The following CMSS1 variants were observed in gnomAD, a reference collection of about 807,000 sequenced individuals.
The protein encoded by CMSS1 is cms1 ribosomal small subunit homolog.
A neutral mutation model predicts 43.5 loss-of-function variants in CMSS1; 33 were observed. The ratio of observed to expected loss-of-function variants is 0.76; its 90% confidence interval spans 0.57 to 1.01. CMSS1 has a LOEUF of 1.01. CMSS1 is among the 50% of genes least tolerant of loss of function. The probability of loss-of-function intolerance (pLI) is 0.00; values close to 1 mark genes in which losing one functional copy is unlikely to be tolerated. For missense variants in CMSS1, 313 were observed against 326.4 expected (o/e 0.96, Z 0.32); for synonymous variants, 115 against 117.2 (o/e 0.98, Z 0.12).
chr3:100,149,609 G>A (rs998739019), intron 2 of CMSS1, among the ~76,000 whole-genome samples: 1 of 152,132 alleles, frequency 6.6e-6, no homozygotes, highest in African/African-American at 2.4e-5. Flanking sequence ...CCTGGCCAGA[G>A]AAATATCATT....
intron 1 of CMSS1, among the ~76,000 whole-genome samples, chr3:100,074,226 C>G (rs761147737): frequency 4.6e-5 from 7 of 152,238 alleles, no homozygotes; most frequent in Non-Finnish European, 8.8e-5. Flanking sequence ...GACAGCCCCC[C>G]TGGGCCTCCA....
chr3:100,063,641 T>C (rs555195329), intron 1 of CMSS1, among the ~76,000 whole-genome samples: 2 of 152,372 alleles, frequency 1.3e-5, no homozygotes, highest in South Asian at 2.1e-4. Flanking sequence ...ATTATTTTAA[T>C]CTGGGGACTT....
intron 1 of CMSS1, among the ~76,000 whole-genome samples, chr3:100,079,124 C>T (rs1259655285): frequency 6.6e-6 from 1 of 152,168 alleles, no homozygotes; most frequent in East Asian, 1.9e-4. Context: ...CCAGGCCTCT[C>T]TCCCCAGTCC....
chr3:99,849,567 T>G, intron 1 of CMSS1: 1 of 1,613,526 alleles, frequency 6.2e-7, no homozygotes, highest in Non-Finnish European at 8.5e-7. Context: ...CTTGAAGCCT[T>G]TTGAAAAGCC....
At chr3:100,039,546 G>T (rs916466771) in intron 1 of CMSS1, among the ~76,000 whole-genome samples, 2 of 152,084 alleles carry the variant, frequency 1.3e-5, no homozygotes, top group Non-Finnish European at 2.9e-5. Context: ...GGGATACCAG[G>T]AGTACCTTGG....
At chr3:100,143,181 T>G (rs1206613638) in intron 1 of CMSS1, among the ~76,000 whole-genome samples, 1 of 152,198 alleles carries the variant, frequency 6.6e-6, no homozygotes, top group African/African-American at 2.4e-5. Flanking sequence ...TTAGATTTCT[T>G]GGGATTTTTT....
At chr3:100,156,299 CTTTTTTT>C (rs34413816) in intron 2 of CMSS1, among the ~76,000 whole-genome samples, 26 of 73,050 alleles carry the variant, frequency 3.6e-4, no homozygotes, top group Middle Eastern at 9.1e-3. Flanking sequence ...AATTTTTTTT[CTTTTTTT>C]TTTTTTTTTT....
intron 1 of CMSS1, chr3:99,850,917 G>C (rs1000536415): frequency 1.2e-6 from 2 of 1,614,170 alleles, no homozygotes; most frequent in Admixed American, 3.3e-5. Flanking sequence ...TTTGAAGGGT[G>C]AGCTGTGCCG....
intron 1 of CMSS1, among the ~76,000 whole-genome samples, chr3:99,867,424 G>A (rs1019415988): frequency 2.0e-5 from 3 of 152,138 alleles, no homozygotes; most frequent in African/African-American, 7.2e-5. Flanking sequence ...TGAAAAAAAG[G>A]TTTTTGAAAA....
At chr3:100,018,608 A>G (rs1222322848) in intron 1 of CMSS1, among the ~76,000 whole-genome samples, 3 of 152,148 alleles carry the variant, frequency 2.0e-5, no homozygotes, top group Admixed American at 6.5e-5. Context: ...TTGCTAGTAG[A>G]AAACAAAAAA....
intron 9 of CMSS1, among the ~76,000 whole-genome samples, chr3:100,177,371 A>G (rs1288686469): frequency 6.6e-6 from 1 of 152,254 alleles, no homozygotes; most frequent in East Asian, 1.9e-4. Flanking sequence ...GATATCAGGC[A>G]TGAGGCCATA....
At chr3:99,987,200 G>GC (rs975875326) in intron 1 of CMSS1, among the ~76,000 whole-genome samples, 4 of 150,246 alleles carry the variant, frequency 2.7e-5, no homozygotes, top group Non-Finnish European at 5.9e-5. Flanking sequence ...ATGCACTCCA[G>GC]CCTGGGGGAC....
intron 1 of CMSS1, chr3:99,848,164 C>A: frequency 6.5e-7 from 1 of 1,531,424 alleles, no homozygotes; most frequent in Non-Finnish European, 8.8e-7. Flanking sequence ...CATGCACAAA[C>A]CTTCCCAAAG....
intron 1 of CMSS1, among the ~76,000 whole-genome samples, chr3:100,078,142 A>G (rs1017711533): frequency 6.6e-6 from 1 of 152,200 alleles, no homozygotes; most frequent in Non-Finnish European, 1.5e-5. Context: ...TTAGTATACA[A>G]ACATCATATT....
chr3:100,041,055 A>G lies in CMSS1; in HGVS notation c.65-105918A>G, dbSNP rs760700325. ...TACAGTTAACCAAAGTTGACTCTGT[A>G]TGACCTGTTACATTTTCCTTAGACA... is the stretch of plus-strand genomic sequence containing the variant. On this transcript the variant is annotated intron_variant, in intron 1 of 9. Coordinates refer to ENST00000421999, the MANE Select transcript of CMSS1 (RefSeq NM_032359.4). The G allele has an allele frequency of 5.9e-5, 9 of 152,244 alleles. No homozygotes were observed. In the East Asian group the frequency reaches 9.6e-4, roughly 16 times the overall value. The allele number at this position is 152,244 out of a possible 1,614,324, so 9.4% of individuals were successfully genotyped here. A position where few individuals can be genotyped will look rare whatever the true frequency, so the allele number is the denominator to read the frequency against.
chr3:99,972,931 A>G (rs1051064659), intron 1 of CMSS1, among the ~76,000 whole-genome samples: 4 of 152,246 alleles, frequency 2.6e-5, no homozygotes, highest in African/African-American at 9.6e-5. Context: ...AAGTAAACAC[A>G]TCAGCAAAGA....
intron 1 of CMSS1, among the ~76,000 whole-genome samples, chr3:100,139,685 T>G (rs940158901): frequency 1.7e-4 from 26 of 150,414 alleles, no homozygotes; most frequent in African/African-American, 5.1e-4. Flanking sequence ...TAATCCCAGC[T>G]ACCCAGGAGG....
chr3:99,829,349 T>C (rs1169498905), intron 1 of CMSS1, among the ~76,000 whole-genome samples: 2 of 152,230 alleles, frequency 1.3e-5, no homozygotes. Flanking sequence ...AGGCACACCT[T>C]TCTCTCAATT....
intron 1 of CMSS1, among the ~76,000 whole-genome samples, chr3:99,891,567 T>C (rs547537206): frequency 6.6e-6 from 1 of 152,132 alleles, no homozygotes; most frequent in Non-Finnish European, 1.5e-5. Context: ...TTGGATTTTT[T>C]GGGTTTTTTT....
Sources: gnomAD v4.1 joint callset for allele counts (sites outside exome capture counted in the v4.1 genomes callset) on GRCh38, gnomAD v4.1.1 for gene constraint, MANE v1.5 for transcripts, NCBI Gene and HGNC (gene_info 2026-07-23, HGNC 2026-07-21) for gene names.